PRDM11: variants seen among roughly 807,000 people sequenced by gnomAD.
PRDM11 encodes the protein PR/SET domain 11, also known as PR domain-containing protein 11.
Under a neutral mutation model 97.8 loss-of-function variants are expected in PRDM11, and 20 were observed. That is an observed-to-expected ratio of 0.20 (90% CI 0.14 to 0.30). The LOEUF (loss-of-function observed/expected upper bound fraction) is 0.30. Among genes scored for constraint, PRDM11 ranks in the 10% least tolerant of loss-of-function variants. The pLI is 1.00. For synonymous variants in PRDM11, 599 were observed against 637.7 expected, an observed-to-expected ratio of 0.94 and a Z score of 0.91; for missense variants, 1,139 against 1,555.2, an observed-to-expected ratio of 0.73 and a Z score of 4.50.
At chr11:45,164,228 C>T (rs732161) in intron 1 of PRDM11, among the ~76,000 whole-genome samples, 1 of 151,970 alleles carries the variant, frequency 6.6e-6, no homozygotes, top group Non-Finnish European at 1.5e-5. Flanking sequence ...GAGTGGGCAG[C>T]GTAAGGTCAG....
Position 45,213,410 on chromosome 11 carries a change from G to C in PRDM11, c.555-6160G>C, listed in dbSNP as rs145701721. On this transcript the variant is annotated intron_variant, in intron 5 of 7. Coordinates refer to ENST00000683152, the MANE Select transcript of PRDM11 (RefSeq NM_001384648.1). ...TTCCAACCTTGGGGCTGCTGCATCGGCCTCCCACATGTGACCTCCCAGGCC... is the reference window on the plus strand; with the variant it reads ...TTCCAACCTTGGGGCTGCTGCATCGCCCTCCCACATGTGACCTCCCAGGCC... The C allele has an allele frequency of 5.8e-4, 257 of 445,140 alleles. 1 individual carries two copies. The highest frequency in any genetic ancestry group is 9.6e-4 in the Non-Finnish European group (211 of 219,152). 27.6% of individuals were successfully genotyped at this position (445,140 alleles called of 1,614,324 possible).
At chr11:45,214,907 C>T (rs1190954417) in intron 5 of PRDM11, among the ~76,000 whole-genome samples, 1 of 152,194 alleles carries the variant, frequency 6.6e-6, no homozygotes, top group Non-Finnish European at 1.5e-5. Flanking sequence ...GCCAGATTCC[C>T]TGTATCCAGC....
At chr11:45,106,274 A>T (rs945665665) in intron 1 of PRDM11, among the ~76,000 whole-genome samples, 2 of 152,006 alleles carry the variant, frequency 1.3e-5, no homozygotes, top group African/African-American at 2.4e-5. Flanking sequence ...TGGCAGCCCC[A>T]GCTTAAGGTG....
At chr11:45,171,924 A>ATTCAG (rs1334787080) in intron 1 of PRDM11, among the ~76,000 whole-genome samples, 2 of 152,030 alleles carry the variant, frequency 1.3e-5, no homozygotes, top group African/African-American at 4.8e-5. Flanking sequence ...ATTCAATTCA[A>ATTCAG]TTCTGTAACT....
At chr11:45,184,384 A>T (rs1852627293) in intron 4 of PRDM11, among the ~76,000 whole-genome samples, 1 of 152,162 alleles carries the variant, frequency 6.6e-6, no homozygotes, top group Admixed American at 6.5e-5. Flanking sequence ...TGGAGAACTG[A>T]TTGAGCTCAG....
At chr11:45,111,770 T>C (rs1199156094) in intron 1 of PRDM11, among the ~76,000 whole-genome samples, 1 of 152,064 alleles carries the variant, frequency 6.6e-6, no homozygotes, top group African/African-American at 2.4e-5. Flanking sequence ...CAGGGGCCCA[T>C]TGAGTTGGTC....
At chr11:45,104,430 G>A (rs150077285) in intron 1 of PRDM11, among the ~76,000 whole-genome samples, 2 of 152,330 alleles carry the variant, frequency 1.3e-5, no homozygotes, top group East Asian at 1.9e-4. Context: ...AAATGGGGAC[G>A]AGGACACGTG....
At position 45,234,011 on chromosome 11, in the gene PRDM11, G is replaced by C. The variant is rs1266940449; in HGVS notation, c.*5852G>C. On this transcript the variant is annotated 3_prime_UTR_variant, in exon 8 of 8. Transcript: ENST00000683152. Reference sequence around the variant, plus strand: ...TTCGCATTCTGTGACTTGAGGCAGAGGCTGAGCTGGGATACCCCAAGCTCA... The same window carrying C: ...TTCGCATTCTGTGACTTGAGGCAGACGCTGAGCTGGGATACCCCAAGCTCA... The C allele has an allele frequency of 1.3e-5, 2 of 152,276 alleles. No individual in the cohort carries two copies. Among genetic ancestry groups the C allele is most frequent in the South Asian group, 2.1e-4 (1 of 4,840 alleles). 9.4% of individuals were successfully genotyped at this position (152,276 alleles called of 1,614,324 possible).
In PRDM11 at chr11:45,122,303, TATC is replaced by T. The variant is rs1852452481; in HGVS notation, c.96+26405_96+26407del. 5.2e-5 allele frequency among the ~76,000 whole-genome samples: 7 copies of T among 133,938 alleles called. No homozygotes were observed. In the South Asian group the frequency reaches 1.6e-3, roughly 31 times the overall value. 87.9% of individuals were successfully genotyped at this position (133,938 alleles called of 152,430 possible). ...ACAGGTTCTAGAGACATTTAAAAGA[TATC>T]ATGGTATTTTTTTTATTATTATTAT... On this transcript the variant is annotated intron_variant, in intron 1 of 6. Transcript: ENST00000530656.
intron 1 of PRDM11, among the ~76,000 whole-genome samples, chr11:45,131,003 A>C (rs1232345943): frequency 2.6e-5 from 4 of 152,230 alleles, no homozygotes; most frequent in Admixed American, 6.5e-5. Flanking sequence ...ACACAACTCA[A>C]ATGTCCATCA....
chr11:45,135,128 A>ACTCT (rs58588988), intron 1 of PRDM11, among the ~76,000 whole-genome samples: 3,873 of 148,898 alleles, frequency 0.026, 178 homozygotes, highest in African/African-American at 0.09. Flanking sequence ...TTTTAATTAT[A>ACTCT]CTCTCTCTCT....
Position 45,231,375 on chromosome 11 carries a change from A to G in PRDM11, c.*3216A>G, listed in dbSNP as rs1298248599. On this transcript the variant is annotated 3_prime_UTR_variant, in exon 8 of 8. Transcript: ENST00000683152. ...AGCCCAGGGAGCATATGCTTGGCTA[A>G]CCTAATCTCCCCTTGATGTGTATAC... The G allele has an allele frequency of 6.6e-6, 1 of 152,048 alleles. No individual in the cohort carries two copies. Among genetic ancestry groups the G allele is most frequent in the Non-Finnish European group, 1.5e-5 (1 of 68,028 alleles). 9.4% of individuals were successfully genotyped at this position (152,048 alleles called of 1,614,324 possible).
At chr11:45,150,274 T>C (rs763545393) in intron 1 of PRDM11, among the ~76,000 whole-genome samples, 2 of 152,218 alleles carry the variant, frequency 1.3e-5, no homozygotes, top group Non-Finnish European at 2.9e-5. Flanking sequence ...TTCCCTTCTT[T>C]ATAGCTTTCT....
chr11:45,181,217 G>C (rs1185442719), intron 1 of PRDM11, among the ~76,000 whole-genome samples: 1 of 152,042 alleles, frequency 6.6e-6, no homozygotes, highest in Admixed American at 6.5e-5. Flanking sequence ...GGTGGGGCTG[G>C]AGCCCTGGCT....
At position 45,219,384 on chromosome 11, in the gene PRDM11, T is replaced by C. The variant is rs1454333346; in HGVS notation, c.555-186T>C. On this transcript the variant is annotated intron_variant, in intron 5 of 7. Transcript: ENST00000683152. The surrounding 1 kb of genome is among the most constrained non-coding windows in gnomAD (Gnocchi z 4.2). ...TTGAGGTCCCACAACACGGTGACGTTGGGACAGGGATGGGTTCTGGCTGGT... is the reference window on the plus strand; with the variant it reads ...TTGAGGTCCCACAACACGGTGACGTCGGGACAGGGATGGGTTCTGGCTGGT... Among the ~76,000 whole-genome samples, 2 of 152,140 alleles carry C rather than the reference T, an allele frequency of 1.3e-5. No individual in the cohort carries two copies. The highest frequency in any genetic ancestry group is 2.9e-5 in the Non-Finnish European group (2 of 68,040).
chr11:45,198,223 G>A (rs182586509), intron 4 of PRDM11, among the ~76,000 whole-genome samples: 22 of 152,306 alleles, frequency 1.4e-4, no homozygotes, highest in Admixed American at 1.3e-3. Flanking sequence ...GAAACCTAGA[G>A]CATGGATAAT....
upstream of PRDM11, among the ~76,000 whole-genome samples, chr11:45,146,010 ATC>A (rs1415781024): frequency 1.3e-5 from 2 of 152,090 alleles, no homozygotes; most frequent in Non-Finnish European, 2.9e-5. Context: ...AGTTCTCAGA[ATC>A]TCTCTCCCTC....
chr11:45,218,733 G>A (rs1307866532), intron 5 of PRDM11, among the ~76,000 whole-genome samples: 1 of 152,216 alleles, frequency 6.6e-6, no homozygotes, highest in African/African-American at 2.4e-5. Flanking sequence ...GCTGGATGTC[G>A]CACATGTTGT....
At chr11:45,143,883 A>C (rs889178193), upstream of PRDM11, among the ~76,000 whole-genome samples, 4 of 152,050 alleles carry the variant, frequency 2.6e-5, no homozygotes, top group African/African-American at 9.7e-5. Flanking sequence ...ATGCCAGTGG[A>C]GCTCTTATCT....
Sources: gnomAD v4.1 joint callset for allele counts (sites outside exome capture counted in the v4.1 genomes callset) on GRCh38, gnomAD v4.1.1 for gene constraint, Gnocchi (gnomAD v3.1) non-coding constraint, MANE v1.5 for transcripts, NCBI Gene and HGNC (gene_info 2026-07-23, HGNC 2026-07-21) for gene names.